MCM2: variants seen among roughly 807,000 people sequenced by gnomAD.
MCM2 encodes the protein DNA replication licensing factor MCM2.
In MCM2, 49 loss-of-function variants were observed where a neutral mutation model predicts 86.4. That is an observed-to-expected ratio of 0.57 (90% CI 0.45 to 0.72). MCM2 has a LOEUF of 0.72. Ranked by LOEUF, MCM2 falls within the 30% of genes least tolerant of loss-of-function variation. MCM2 has a pLI of 0.00. For missense variants in MCM2, 1,038 were observed against 1,259.9 expected, an observed-to-expected ratio of 0.82 and a Z score of 2.67; for synonymous variants, 475 against 484.6, an observed-to-expected ratio of 0.98 and a Z score of 0.26.
chr3:127,609,089 T>C lies in MCM2; in HGVS notation c.1428+66T>C, dbSNP rs569132309. ...AGAGGATATGGAGGGTTGCTGGGGCTGTGGTAGGCACCTAGGGCTCACTGC... is the reference window on the plus strand; with the variant it reads ...AGAGGATATGGAGGGTTGCTGGGGCCGTGGTAGGCACCTAGGGCTCACTGC... On this transcript the variant is annotated intron_variant, in intron 8 of 15. Coordinates refer to ENST00000265056, the MANE Select transcript of MCM2 (RefSeq NM_004526.4). 14 of 1,546,560 alleles carry C rather than the reference T, an allele frequency of 9.1e-6. No homozygotes were observed. In the South Asian group the frequency reaches 1.3e-4, roughly 14 times the overall value.
At chr3:127,609,935 C>T (rs1192137319) in intron 8 of MCM2, among the ~76,000 whole-genome samples, 1 of 149,812 alleles carries the variant, frequency 6.7e-6, no homozygotes, top group East Asian at 2.0e-4. Context: ...GCCTCTGCCT[C>T]CTGGGTTCAA....
chr3:127,611,149 C>T (rs2107691226), intron 8 of MCM2, among the ~76,000 whole-genome samples: 2 of 152,344 alleles, frequency 1.3e-5, no homozygotes, highest in Admixed American at 1.3e-4. Flanking sequence ...TCACCACCTG[C>T]AGAGGCTCAT....
rs769836147 is a variant in MCM2 at position 127,606,829 on chromosome 3, C to A, written c.1101+12C>A. 3 of 1,613,812 alleles carry A rather than the reference C, an allele frequency of 1.9e-6. No individual in the cohort carries two copies. Among genetic ancestry groups the A allele is most frequent in the Non-Finnish European group, 2.5e-6 (3 of 1,179,752 alleles). On this transcript the variant is annotated intron_variant, in intron 6 of 15. Coordinates refer to ENST00000265056, the MANE Select transcript of MCM2 (RefSeq NM_004526.4). This position sits in a 1 kb window ranked among gnomAD's most constrained non-coding sequence, Gnocchi z 4.2. ...TCAACATGGAGGAGGTGAGAGAGGA[C>A]ACAAGGTCTGCTGCCAGCTGTCCTT...
At chr3:127,600,894 C>G (rs1576410974) in intron 2 of MCM2, among the ~76,000 whole-genome samples, 2 of 146,464 alleles carry the variant, frequency 1.4e-5, no homozygotes, top group African/African-American at 5.1e-5. Context: ...AAAAAAAAAA[C>G]TTTATTGGGC....
At chr3:127,620,425 C>T (rs530389785) in intron 13 of MCM2, among the ~76,000 whole-genome samples, 3 of 152,314 alleles carry the variant, frequency 2.0e-5, no homozygotes, top group African/African-American at 7.2e-5. Context: ...AATACAACAG[C>T]CTCTGAGATG....
rs2074442789 is a variant in MCM2, at chr3:127,617,523, A to AGG, written c.1900+120_1900+121dup. On this transcript the variant is annotated intron_variant, in intron 11 of 15. Coordinates refer to ENST00000265056, the MANE Select transcript of MCM2 (RefSeq NM_004526.4). The surrounding 1 kb of genome is among the most constrained non-coding windows in gnomAD (Gnocchi z 4.1). The stretch of plus-strand genomic sequence containing the variant: ...ATCTGAGGAAGTCATTGTGCAGCAG[A>AGG]GGGTTCCCCTCTTCTGCATATCCTG... The AGG allele has an allele frequency of 7.7e-7, 1 of 1,301,732 alleles. No individual in the cohort carries two copies. The highest frequency in any genetic ancestry group is 1.0e-6 in the Non-Finnish European group (1 of 969,592). The allele number at this position is 1,301,732 out of a possible 1,614,324, so 80.6% of individuals were successfully genotyped here. A position where few individuals can be genotyped will look rare whatever the true frequency, so the allele number is the denominator to read the frequency against.
intron 8 of MCM2, 43 bp downstream of exon 8, chr3:127,609,066 A>G (rs768216329): frequency 1.3e-6 from 2 of 1,596,890 alleles, no homozygotes; most frequent in Admixed American, 3.3e-5. Flanking sequence ...ATGCTGTGAG[A>G]GGATATGGAG....
intron 2 of MCM2, among the ~76,000 whole-genome samples, chr3:127,601,687 C>T (rs960547526): frequency 3.9e-5 from 6 of 152,172 alleles, no homozygotes; most frequent in African/African-American, 1.4e-4. Context: ...TTTATGTGAC[C>T]AGATCTTTAA....
At position 127,621,237 on chromosome 3, in the gene MCM2, C is replaced by T. The variant is rs752386887; in HGVS notation, c.2604+9C>T. ...AGGACTTGGTGGATAAGGTATGGGCCCGGAAGGGAGGTGAGGGTTGGGGTA... is the reference window on the plus strand; with the variant it reads ...AGGACTTGGTGGATAAGGTATGGGCTCGGAAGGGAGGTGAGGGTTGGGGTA... On this transcript the variant is annotated intron_variant, in intron 15 of 15. Coordinates refer to ENST00000265056, the MANE Select transcript of MCM2 (RefSeq NM_004526.4). 171 of 1,613,628 alleles carry T rather than the reference C, an allele frequency of 1.1e-4. 1 individual carries two copies. In the South Asian group the frequency reaches 1.7e-3, roughly 16 times the overall value.
intron 15 of MCM2, 56 bp downstream of exon 15, chr3:127,621,284 T>G: frequency 6.3e-7 from 1 of 1,597,554 alleles, no homozygotes; most frequent in Non-Finnish European, 8.6e-7. Flanking sequence ...GAGCTGCCAG[T>G]CTCCTGATGG....
Position 127,620,706 on chromosome 3 carries a change from C to A in MCM2, c.2274C>A (p.Gly758=). 1 of 1,591,356 alleles carries A rather than the reference C, an allele frequency of 6.3e-7. No homozygotes were observed. Residue 758 remains glycine (G), a synonymous_variant, in exon 14 of 16, where the codon GGC becomes GGA. Coordinates refer to ENST00000265056, the MANE Select transcript of MCM2 (RefSeq NM_004526.4). ...ACTGTGCTTCTCTCCAGGCGACAGG[C>A]AGCATCCCCATTACGGTGCGGCACA... ...SDLRKESMAT[G]SIPITVRHIE...
In MCM2 at chr3:127,606,719, G is replaced by A. The variant is rs775651689; in HGVS notation, c.1003G>A (p.Val335Ile). The change falls in exon 6 of 16, where the codon GTC (valine) becomes ATC (isoleucine). Residue 335 changes from valine to isoleucine, a missense_variant. Val to Ile is a conservative substitution (Grantham distance 29). This residue lies in a region of MCM2 where 399 missense variants were observed against 507.2 expected (regional missense o/e 0.79). Coordinates refer to ENST00000265056, the MANE Select transcript of MCM2 (RefSeq NM_004526.4). The surrounding 1 kb of genome is among the most constrained non-coding windows in gnomAD (Gnocchi z 4.2). ...GTACAACTGCAACAAGTGCAATTTC[G>A]TCCTGGGTCCTTTCTGCCAGTCCCA... ...VKYNCNKCNF[V>I]LGPFCQSQNQ... The A allele has an allele frequency of 7.3e-5, 118 of 1,614,110 alleles. No homozygotes were observed. Among genetic ancestry groups the A allele is most frequent in the Non-Finnish European group, 9.4e-5 (111 of 1,180,054 alleles).
At chr3:127,598,517 G>A in intron 1 of MCM2, 45 bp downstream of exon 1, 1 of 1,604,322 alleles carries the variant, frequency 6.2e-7, no homozygotes, top group Non-Finnish European at 8.5e-7. Flanking sequence ...GGACATGGGT[G>A]CGGAGGCTGC....
intron 2 of MCM2, 48 bp from the exon 3 acceptor site, chr3:127,604,560 G>C (rs763406547): frequency 1.3e-6 from 2 of 1,590,576 alleles, no homozygotes; most frequent in South Asian, 1.1e-5. Flanking sequence ...TTGGTGCTTA[G>C]GGTTTTCCTT....
Position 127,606,495 on chromosome 3 carries a change from A to G in MCM2, c.894-115A>G, listed in dbSNP as rs1333493343. ...GTTGCACAGGAGTGTGATGGGAGGG[A>G]TCTTCCCGGGCTGGGGGCTGGGCCC... On this transcript the variant is annotated intron_variant, in intron 5 of 15. Transcript: ENST00000265056. This position sits in a 1 kb window ranked among gnomAD's most constrained non-coding sequence, Gnocchi z 4.2. 8.3e-6 allele frequency: 10 copies of G among 1,208,508 alleles called. No individual in the cohort carries two copies. The highest frequency in any genetic ancestry group is 2.7e-4 in the Middle Eastern group (1 of 3,768). 74.9% of individuals were successfully genotyped at this position (1,208,508 alleles called of 1,614,324 possible).
intron 8 of MCM2, among the ~76,000 whole-genome samples, chr3:127,612,308 A>G (rs2074405067): frequency 6.6e-6 from 1 of 152,230 alleles, no homozygotes; most frequent in African/African-American, 2.4e-5. Flanking sequence ...TAGAGATTTT[A>G]AAGAACTAAC....
In MCM2 at chr3:127,617,029, C is replaced by T. The variant is rs767499238; in HGVS notation, c.1684C>T (p.Arg562Trp). The T allele has an allele frequency of 9.9e-6, 16 of 1,614,212 alleles. No homozygotes were observed. The highest frequency in any genetic ancestry group is 1.6e-4 in the Middle Eastern group (1 of 6,062). Reference protein sequence around the residue: ...SAVGLTAYVQRHPVSREWTLE... With the variant: ...SAVGLTAYVQWHPVSREWTLE... ...TGTGGGCCTCACGGCGTATGTCCAG[C>T]GGCACCCTGTCAGCAGGGAGTGGAC... Residue 562 changes from arginine (R) to tryptophan (W), a missense_variant, in exon 10 of 16, where the codon CGG (arginine) becomes TGG (tryptophan). By Grantham distance (101) the Arg-to-Trp change is moderately radical. This residue lies in a region of MCM2 where 399 missense variants were observed against 507.2 expected (regional missense o/e 0.79). Transcript: ENST00000265056. The surrounding 1 kb of genome is among the most constrained non-coding windows in gnomAD (Gnocchi z 4.1).
Position 127,619,125 on chromosome 3 carries a change from C to T in MCM2, c.2112C>T (p.Pro704=), listed in dbSNP as rs757813948. The T allele has an allele frequency of 1.7e-5, 28 of 1,613,902 alleles. No individual in the cohort carries two copies. The highest frequency in any genetic ancestry group is 1.2e-4 in the African/African-American group (9 of 74,938). ...EGLANGSAAE[P]AMPNTYGVEP... ...TGGCCAATGGCAGCGCTGCTGAGCC[C>T]GCCATGCCCAACACGTATGGCGTGG... Residue 704 remains proline, a synonymous_variant, in exon 13 of 16, where the codon CCC becomes CCT. Coordinates refer to ENST00000265056, the MANE Select transcript of MCM2 (RefSeq NM_004526.4).
At chr3:127,607,370 G>A (rs1055641836) in intron 6 of MCM2, among the ~76,000 whole-genome samples, 1 of 152,268 alleles carries the variant, frequency 6.6e-6, no homozygotes, top group African/African-American at 2.4e-5. Flanking sequence ...CATCGCCATC[G>A]CTGTGGTGGC....
Sources: gnomAD v4.1 joint callset for allele counts (sites outside exome capture counted in the v4.1 genomes callset) on GRCh38, gnomAD v4.1.1 for gene constraint, gnomAD v4.1.1 regional missense constraint, Gnocchi (gnomAD v3.1) non-coding constraint, MANE v1.5 for transcripts, NCBI Gene and HGNC (gene_info 2026-07-23, HGNC 2026-07-21) for gene names.